CROCC2: variants seen among roughly 807,000 people sequenced by gnomAD.
CROCC2 encodes ciliary rootlet coiled-coil, rootletin family member 2.
CROCC2 carries 163 observed loss-of-function variants against 177.6 expected under a neutral mutation model. That is an observed-to-expected ratio of 0.92 (90% confidence interval 0.81 to 1.05). The LOEUF is 1.05. Ranked by LOEUF, CROCC2 falls within the 50% of genes least tolerant of loss-of-function variation. The pLI is 0.00. For synonymous variants in CROCC2, 904 were observed against 787.3 expected, an observed-to-expected ratio of 1.15 and a Z score of -2.48; for missense variants, 1,929 against 1,797.8, an observed-to-expected ratio of 1.07 and a Z score of -1.32.
chr2:240,932,357 G>T lies in CROCC2; in HGVS notation c.987G>T (p.Glu329Asp), dbSNP rs900328590. Residue 329 changes from glutamate (E) to aspartate (D), a missense_variant, in exon 8 of 32, where the codon GAG becomes GAT. Transcript: ENST00000690015. Reference sequence around the variant, plus strand: ...CCCTGCTGGTGGAGAAGCTTACAGAGCAGAATGAGCAGAAGGCGAAGACCA... The same window carrying T: ...CCCTGCTGGTGGAGAAGCTTACAGATCAGAATGAGCAGAAGGCGAAGACCA... ...EQTLLVEKLT[E>D]QNEQKAKTIA... is the part of the protein sequence containing the mutation. The T allele has an allele frequency of 5.6e-6, 4 of 717,306 alleles. No individual in the cohort carries two copies. The highest frequency in any genetic ancestry group is 1.0e-5 in the Non-Finnish European group (4 of 385,030). The allele number at this position is 717,306 out of a possible 1,614,324, so 44.4% of individuals were successfully genotyped here. A position where few individuals can be genotyped will look rare whatever the true frequency, so the allele number is the denominator to read the frequency against.
At position 240,930,974 on chromosome 2, in the gene CROCC2, C is replaced by T. The variant is rs748292432; in HGVS notation, c.793C>T (p.Arg265Cys). 9.8e-6 allele frequency: 7 copies of T among 715,338 alleles called. No homozygotes were observed. Among genetic ancestry groups the T allele is most frequent in the African/African-American group, 3.5e-5 (2 of 57,260 alleles). 44.3% of individuals were successfully genotyped at this position (715,338 alleles called of 1,614,324 possible). A position where few individuals can be genotyped will look rare whatever the true frequency, so the allele number is the denominator to read the frequency against. ...GGCAGACACGGCCAGGACAGCCCGCCGCCTGCACACCGCCTGCCTGAACCT... is the reference window on the plus strand; with the variant it reads ...GGCAGACACGGCCAGGACAGCCCGCTGCCTGCACACCGCCTGCCTGAACCT... The part of the protein sequence containing the change: ...LQADTARTAR[R>C]LHTACLNLDS... Residue 265 changes from arginine to cysteine, a missense_variant, in exon 7 of 32, where the codon CGC becomes TGC. Arg to Cys is a radical substitution (Grantham distance 180). Coordinates refer to ENST00000690015, the MANE Select transcript of CROCC2 (RefSeq NM_001351305.2).
Position 240,925,890 on chromosome 2 carries a change from C to G in CROCC2, c.645+10C>G, listed in dbSNP as rs113828550. 64 of 708,242 alleles carry G rather than the reference C, an allele frequency of 9.0e-5. 1 individual carries two copies. Among genetic ancestry groups the G allele is most frequent in the African/African-American group, 4.9e-4 (28 of 57,058 alleles). 43.9% of individuals were successfully genotyped at this position (708,242 alleles called of 1,614,324 possible). A position where few individuals can be genotyped will look rare whatever the true frequency, so the allele number is the denominator to read the frequency against. On this transcript the variant is annotated intron_variant, in intron 5 of 31. Transcript: ENST00000690015. ...CTGGGCCCAGAGACAGGTGCTCCCC[C>G]AACCCTTGCTCACCTCATGGCGGCC...
intron 30 of CROCC2, among the ~76,000 whole-genome samples, chr2:240,990,441 G>T (rs889511795): frequency 1.3e-5 from 2 of 152,204 alleles, no homozygotes; most frequent in Admixed American, 1.3e-4. Flanking sequence ...TTTTACAGAT[G>T]AGGAAACTGA....
At chr2:240,948,329 G>A (rs2059535150) in intron 15 of CROCC2, among the ~76,000 whole-genome samples, 1 of 152,124 alleles carries the variant, frequency 6.6e-6, no homozygotes, top group South Asian at 2.1e-4. Flanking sequence ...CCAGAAAGAT[G>A]GAAGAGAAAT....
intron 14 of CROCC2, among the ~76,000 whole-genome samples, chr2:240,943,573 C>T (rs1185915537): frequency 4.0e-5 from 6 of 150,752 alleles, no homozygotes; most frequent in East Asian, 2.0e-4. Context: ...CTGCAACCTC[C>T]GCCTCCTGGG....
intron 14 of CROCC2, among the ~76,000 whole-genome samples, chr2:240,936,882 T>G (rs968844341): frequency 6.6e-6 from 1 of 152,248 alleles, no homozygotes. Flanking sequence ...CCAAATCTCA[T>G]GTCAAATTGG....
Position 240,958,576 on chromosome 2 carries a change from C to T in CROCC2, c.2944-725C>T, listed in dbSNP as rs901262161. 31 of 985,206 alleles carry T rather than the reference C, an allele frequency of 3.1e-5. 1 individual carries two copies. The African/African-American group carries it at 5.1e-4, about 16-fold the overall frequency. 61.0% of individuals were successfully genotyped at this position (985,206 alleles called of 1,614,324 possible). A position where few individuals can be genotyped will look rare whatever the true frequency, so the allele number is the denominator to read the frequency against. Reference sequence around the variant, plus strand: ...CTGGAGGGAGCCATCCCCCACCAGCCGCCCCCCGCCAGCCGCCTGCTGCTG... The same window carrying T: ...CTGGAGGGAGCCATCCCCCACCAGCTGCCCCCCGCCAGCCGCCTGCTGCTG... On this transcript the variant is annotated intron_variant, in intron 19 of 31. Coordinates refer to ENST00000690015, the MANE Select transcript of CROCC2 (RefSeq NM_001351305.2). This position sits in a 1 kb window ranked among gnomAD's most constrained non-coding sequence, Gnocchi z 6.7.
At chr2:240,923,392 T>A (rs2059369773) in intron 4 of CROCC2, among the ~76,000 whole-genome samples, 1 of 151,676 alleles carries the variant, frequency 6.6e-6, no homozygotes, top group Admixed American at 6.6e-5. Flanking sequence ...GCTGACGATG[T>A]CATGCCTGGG....
chr2:240,987,474 G>T (rs2059848231), intron 28 of CROCC2, among the ~76,000 whole-genome samples: 2 of 152,186 alleles, frequency 1.3e-5, no homozygotes, highest in South Asian at 2.1e-4. Context: ...CAGTGCAGGG[G>T]ACTCTCTGTT....
chr2:240,926,992 CAGA>C (rs1187609054), intron 5 of CROCC2, among the ~76,000 whole-genome samples: 1 of 152,250 alleles, frequency 6.6e-6, no homozygotes, highest in Non-Finnish European at 1.5e-5. Context: ...GAACAAATGC[CAGA>C]AGGAGAGGGT....
Position 240,983,570 on chromosome 2 carries a change from C to T in CROCC2, c.4551+541C>T, listed in dbSNP as rs1218528117. The T allele has an allele frequency of 6.3e-6, 8 of 1,279,518 alleles. No homozygotes were observed. The Admixed American group carries it at 1.4e-4, about 22-fold the overall frequency. 79.3% of individuals were successfully genotyped at this position (1,279,518 alleles called of 1,614,324 possible). A position where few individuals can be genotyped will look rare whatever the true frequency, so the allele number is the denominator to read the frequency against. On this transcript the variant is annotated intron_variant, in intron 28 of 31. Transcript: ENST00000690015. ...GGAGCTCGCGGCGCTGCGCGCTCAG[C>T]TCGCACAGGTAGGCGGCAGCGGTGG...
chr2:240,933,798 G>T lies in CROCC2; in HGVS notation c.1592G>T (p.Arg531Leu). The change falls in exon 11 of 32, where the codon CGG becomes CTG. Residue 531 changes from arginine to leucine, a missense_variant. Coordinates refer to ENST00000690015, the MANE Select transcript of CROCC2 (RefSeq NM_001351305.2). ...AGAAGCCTCCTGCTGCAGGCAGAGC[G>T]GAGGGAGGAGCTGGCTCTGCGGAGG... ...LQRSLLLQAE[R>L]REELALRRER... 2 of 1,548,746 alleles carry T rather than the reference G, an allele frequency of 1.3e-6. No individual in the cohort carries two copies. The highest frequency in any genetic ancestry group is 1.7e-6 in the Non-Finnish European group (2 of 1,146,744).
chr2:240,966,327 G>C lies in CROCC2; in HGVS notation c.4064G>C (p.Ser1355Thr). The change falls in exon 25 of 32, where the codon AGC becomes ACC. Residue 1355 changes from serine to threonine, a missense_variant. Physicochemically the swap from Ser to Thr is moderately conservative, Grantham distance 58 (BLOSUM62 1). Transcript: ENST00000690015. The part of the protein sequence containing the change: ...RWPSPTPGGR[S>T]SELMDVATVQ... ...CCCTCGCCCACACCCGGAGGCCGCA[G>C]CTCAGAGCTCATGGATGTGGCCACC... The C allele has an allele frequency of 2.4e-6, 1 of 410,496 alleles. No homozygotes were observed. The highest frequency in any genetic ancestry group is 4.3e-6 in the Non-Finnish European group (1 of 234,366). The allele number at this position is 410,496 out of a possible 1,614,324, so 25.4% of individuals were successfully genotyped here.
At chr2:240,911,809 C>A (rs2059290706) in intron 1 of CROCC2, among the ~76,000 whole-genome samples, 1 of 152,150 alleles carries the variant, frequency 6.6e-6, no homozygotes, top group Non-Finnish European at 1.5e-5. Flanking sequence ...CATGTTGTAG[C>A]AGGCGCCAGC....
At chr2:240,941,879 C>T (rs1436451646) in intron 14 of CROCC2, among the ~76,000 whole-genome samples, 3 of 152,170 alleles carry the variant, frequency 2.0e-5, no homozygotes, top group Admixed American at 2.0e-4. Flanking sequence ...AGGGTTCCAC[C>T]CTCATCAGCG....
In CROCC2 at chr2:240,959,738, A is replaced by G. The variant is rs189103417; in HGVS notation, c.3087+294A>G. On this transcript the variant is annotated intron_variant, in intron 20 of 31. Transcript: ENST00000690015. The stretch of plus-strand genomic sequence containing the variant: ...CAGTTTTCAGGGGAAAGAAGGCATC[A>G]TTTCTAAGCCTCCTGAAGGGGTGAG... The G allele has an allele frequency of 4.8e-3, 1,429 of 298,550 alleles. 5 individuals carry two copies. Among genetic ancestry groups the G allele is most frequent in the Non-Finnish European group, 7.3e-3 (1,184 of 161,748 alleles). 18.5% of individuals were successfully genotyped at this position (298,550 alleles called of 1,614,324 possible). A position where few individuals can be genotyped will look rare whatever the true frequency, so the allele number is the denominator to read the frequency against.
intron 18 of CROCC2, 21 bp downstream of exon 18, chr2:240,950,531 C>T (rs2059548211): frequency 6.5e-7 from 1 of 1,538,484 alleles, no homozygotes; most frequent in Non-Finnish European, 8.8e-7. Flanking sequence ...GGCTGGGGGG[C>T]AGCGGGATTG....
chr2:240,935,536 A>C lies in CROCC2; in HGVS notation c.2117A>C (p.Gln706Pro), dbSNP rs1377983514. The change falls in exon 14 of 32, where the codon CAG becomes CCG. Residue 706 changes from glutamine to proline, a missense_variant. Around this residue, in one of 3 missense-constraint regions of CROCC2, gnomAD observed 1,397 missense variants for 1,239.9 expected, o/e 1.13. Transcript: ENST00000690015. ...LEQRQEQLEG[Q>P]AALLGREKAQ... ...CAGCGGCAGGAGCAGCTGGAGGGGC[A>C]GGCAGCCCTGCTGGGGCGAGAGAAG... The C allele has an allele frequency of 2.2e-6, 3 of 1,349,804 alleles. No individual in the cohort carries two copies. Among genetic ancestry groups the C allele is most frequent in the Non-Finnish European group, 2.9e-6 (3 of 1,049,040 alleles). 83.6% of individuals were successfully genotyped at this position (1,349,804 alleles called of 1,614,324 possible). A position where few individuals can be genotyped will look rare whatever the true frequency, so the allele number is the denominator to read the frequency against.
At chr2:240,934,770 C>A (rs2059456554) in intron 12 of CROCC2, 146 bp from the exon 13 acceptor site, 1 of 896,718 alleles carries the variant, frequency 1.1e-6, no homozygotes. Flanking sequence ...CCTGAGACCT[C>A]CCCACTGTGG....
Sources: gnomAD v4.1 joint callset for allele counts (sites outside exome capture counted in the v4.1 genomes callset) on GRCh38, gnomAD v4.1.1 for gene constraint, gnomAD v4.1.1 regional missense constraint, Gnocchi (gnomAD v3.1) non-coding constraint, MANE v1.5 for transcripts, NCBI Gene and HGNC (gene_info 2026-07-23, HGNC 2026-07-21) for gene names.